ACTR1B: variants seen among roughly 807,000 people sequenced by gnomAD.
The protein encoded by ACTR1B is beta-centractin.
ACTR1B carries 34 observed loss-of-function variants against 49.4 expected under a neutral mutation model. That is an observed-to-expected ratio of 0.69 (90% CI 0.52 to 0.92). The LOEUF (loss-of-function observed/expected upper bound fraction) is 0.92, where lower values mean the gene tolerates loss of function less well. Ranked by LOEUF, ACTR1B falls within the 40% of genes least tolerant of loss-of-function variation. The pLI, the probability that ACTR1B is intolerant of heterozygous loss-of-function variation, is 0.00. For synonymous variants in ACTR1B, 207 were observed against 207.8 expected, an observed-to-expected ratio of 1.00 and a Z score of 0.03; for missense variants, 471 against 522.4, an observed-to-expected ratio of 0.90 and a Z score of 0.96.
chr2:97,659,497 G>A lies in ACTR1B; in HGVS notation c.190-20C>T, dbSNP rs1249055935. 2.5e-6 allele frequency: 4 copies of A among 1,612,092 alleles called. No homozygotes were observed. Among genetic ancestry groups the A allele is most frequent in the South Asian group, 1.1e-5 (1 of 91,060 alleles). ...GTGCTCCTGGTGGGGTGGGAAGGGA[G>A]GTGTGGCACCCGGCCCTTGCTCAGC... On this transcript the variant is annotated intron_variant, in intron 3 of 10. Coordinates refer to ENST00000289228, the MANE Select transcript of ACTR1B (RefSeq NM_005735.4). This position sits in a 1 kb window ranked among gnomAD's most constrained non-coding sequence, Gnocchi z 4.0.
chr2:97,656,929 TAA>T lies in ACTR1B; in HGVS notation c.1058_1059del (p.Phe353Ter), dbSNP rs1439575866. The T allele has an allele frequency of 1.9e-6, 3 of 1,595,930 alleles. No homozygotes were observed. The highest frequency in any genetic ancestry group is 1.1e-5 in the South Asian group (1 of 88,038). ...GGSILASLDT[F>X]KKMWVSKKEY... is the part of the protein sequence containing the mutation. ...TCCTTTTTGGACACCCACATCTTCT[TAA>T]AAGTGTCCAGCGAGGCCAGGATGGA... On this transcript the variant is annotated frameshift_variant, in exon 11 of 11. Coordinates refer to ENST00000289228, the MANE Select transcript of ACTR1B (RefSeq NM_005735.4). LOFTEE classifies it high-confidence loss of function.
chr2:97,661,550 C>T (rs1189936672), intron 2 of ACTR1B, among the ~76,000 whole-genome samples: 1 of 152,230 alleles, frequency 6.6e-6, no homozygotes, highest in Non-Finnish European at 1.5e-5. Context: ...TCTAATTCCT[C>T]ACTCTTCCTG....
chr2:97,661,605 G>C (rs918213200), intron 2 of ACTR1B, among the ~76,000 whole-genome samples: 11 of 152,120 alleles, frequency 7.2e-5, no homozygotes, highest in Non-Finnish European at 1.3e-4. Context: ...CTTTATTCTT[G>C]CTGCTGCTAC....
rs567086376 is a variant in ACTR1B, at chr2:97,659,167, C to T, written c.316-164G>A. Among the ~76,000 whole-genome samples, 49 of 152,282 alleles carry T rather than the reference C, an allele frequency of 3.2e-4. No homozygotes were observed. Among genetic ancestry groups the T allele is most frequent in the Non-Finnish European group, 4.7e-4 (32 of 68,006 alleles). The stretch of plus-strand genomic sequence containing the variant: ...GCTGGCAGTTACTCTTCCGGAGATC[C>T]GGCTCTCTTTGGAAGATTCTGCCTA... On this transcript the variant is annotated intron_variant, in intron 4 of 10. Coordinates refer to ENST00000289228, the MANE Select transcript of ACTR1B (RefSeq NM_005735.4). This position sits in a 1 kb window ranked among gnomAD's most constrained non-coding sequence, Gnocchi z 4.0.
Position 97,658,439 on chromosome 2 carries a change from C to T in ACTR1B, c.645G>A (p.Arg215=). 1 of 1,614,104 alleles carries T rather than the reference C, an allele frequency of 6.2e-7. No individual in the cohort carries two copies. The highest frequency in any genetic ancestry group is 1.1e-5 in the South Asian group (1 of 91,070). The change falls in exon 6 of 11, where the codon CGG becomes CGA. Residue 215 remains arginine (R), a synonymous_variant. Transcript: ENST00000289228. This position sits in a 1 kb window ranked among gnomAD's most constrained non-coding sequence, Gnocchi z 5.9. ...CGCCCCTTGTCACCTCTTTGATTGTCCGGACAACCTCAAACTCAGCCGAGG... is the reference window on the plus strand; with the variant it reads ...CGCCCCTTGTCACCTCTTTGATTGTTCGGACAACCTCAAACTCAGCCGAGG... ...FHTSAEFEVV[R]TIKERACYLS...
At position 97,656,139 on chromosome 2, in the gene ACTR1B, C is replaced by G. The variant is rs1041533727; in HGVS notation, c.*719G>C. ...CCCCCACCCCCTTTTAGGTCTGACT[C>G]CTTATTAAGTGGCTTCCCCTCAATA... On this transcript the variant is annotated 3_prime_UTR_variant, in exon 11 of 11. Coordinates refer to ENST00000289228, the MANE Select transcript of ACTR1B (RefSeq NM_005735.4). The G allele has an allele frequency of 8.5e-5, 13 of 152,254 alleles. No homozygotes were observed. Among genetic ancestry groups the G allele is most frequent in the African/African-American group, 2.9e-4 (12 of 41,446 alleles). The allele number at this position is 152,254 out of a possible 1,614,324, so 9.4% of individuals were successfully genotyped here.
Position 97,661,864 on chromosome 2 carries a change from T to TGCCAGCTCCCCTCTG in ACTR1B, c.113+17_113+18insCAGAGGGGAGCTGGC. 1.9e-6 allele frequency: 3 copies of TGCCAGCTCCCCTCTG among 1,578,396 alleles called. No individual in the cohort carries two copies. Among genetic ancestry groups the TGCCAGCTCCCCTCTG allele is most frequent in the Admixed American group, 3.6e-5 (2 of 55,058 alleles). The stretch of plus-strand genomic sequence containing the variant: ...AGGTAAACAAAAGGACTAAGGCTGC[T>TGCCAGCTCCCCTCTG]GCCTGAGCCACACTTACTAGTTTGG... On this transcript the variant is annotated intron_variant, in intron 2 of 10. Transcript: ENST00000289228.
In ACTR1B at chr2:97,656,341, G is replaced by A; in HGVS notation, c.*517C>T. The A allele has an allele frequency of 5.8e-6, 1 of 172,762 alleles. No individual in the cohort carries two copies. The highest frequency in any genetic ancestry group is 1.2e-5 in the Non-Finnish European group (1 of 80,414). 10.7% of individuals were successfully genotyped at this position (172,762 alleles called of 1,614,324 possible). A position where few individuals can be genotyped will look rare whatever the true frequency, so the allele number is the denominator to read the frequency against. On this transcript the variant is annotated 3_prime_UTR_variant, in exon 11 of 11. Transcript: ENST00000289228. ...CTTGCTGGGGATGGAAGACCATTCA[G>A]TACTCAGCCCTACACCAGGGCATCT...
chr2:97,657,442 C>G lies in ACTR1B; in HGVS notation c.987+6G>C. The G allele has an allele frequency of 6.2e-7, 1 of 1,614,220 alleles. No homozygotes were observed. Among genetic ancestry groups the G allele is most frequent in the Non-Finnish European group, 8.5e-7 (1 of 1,180,018 alleles). On this transcript the variant is annotated splice_donor_region_variant and intron_variant, in intron 9 of 10. Transcript: ENST00000289228. ...AGTGCCCCAGGGGGAGTTTCTGTAA[C>G]CTCACCTTGATTTTGATATCCTTTG...
In ACTR1B at chr2:97,660,570, C is replaced by A. The variant is rs1282447764; in HGVS notation, c.189+1G>T. The A allele has an allele frequency of 6.2e-6, 10 of 1,614,078 alleles. No individual in the cohort carries two copies. Among genetic ancestry groups the A allele is most frequent in the Non-Finnish European group, 8.5e-6 (10 of 1,179,952 alleles). On this transcript the variant is annotated splice_donor_variant, in intron 3 of 10. Transcript: ENST00000289228. LOFTEE classifies it high-confidence loss of function. ...GGGAAAGGCAGGCTCCTCGGTGTTA[C>A]CTCTGCTTTTGGTCCGATGAAGAGG...
Position 97,659,087 on chromosome 2 carries a change from T to A in ACTR1B, c.316-84A>T. 6.3e-7 allele frequency: 1 copy of A among 1,594,756 alleles called. No individual in the cohort carries two copies. Among genetic ancestry groups the A allele is most frequent in the Non-Finnish European group, 8.6e-7 (1 of 1,167,836 alleles). ...GCTCTTTCCAGAGAACCACACCCGCTGGCGCACAGGCAGCTCAGCCTCCTA... is the reference window on the plus strand; with the variant it reads ...GCTCTTTCCAGAGAACCACACCCGCAGGCGCACAGGCAGCTCAGCCTCCTA... On this transcript the variant is annotated intron_variant, in intron 4 of 10. Transcript: ENST00000289228. This position sits in a 1 kb window ranked among gnomAD's most constrained non-coding sequence, Gnocchi z 4.0.
chr2:97,662,686 C>T (rs745644370), intron 1 of ACTR1B, among the ~76,000 whole-genome samples: 6 of 152,206 alleles, frequency 3.9e-5, no homozygotes, highest in African/African-American at 1.4e-4. Context: ...TCATCGCAAC[C>T]CTCTGAGTCT....
intron 10 of ACTR1B, 40 bp from the exon 11 acceptor site, chr2:97,657,000 G>T: frequency 6.3e-7 from 1 of 1,579,528 alleles, no homozygotes; most frequent in African/African-American, 1.3e-5. Flanking sequence ...GGACCTGTCA[G>T]GGAGCCAACC....
At chr2:97,657,355 TGGTGA>T in intron 9 of ACTR1B, 88 bp downstream of exon 9, 1 of 1,505,876 alleles carries the variant, frequency 6.6e-7, no homozygotes, top group Non-Finnish European at 9.2e-7. Flanking sequence ...GGACGTGAGC[TGGTGA>T]GCGGGTCTGG....
intron 1 of ACTR1B, 49 bp downstream of exon 1, chr2:97,663,794 C>A: frequency 7.8e-7 from 1 of 1,276,508 alleles, no homozygotes; most frequent in South Asian, 1.7e-5. Context: ...CCGCCGCGTG[C>A]GCCCCCGGGG....
Position 97,659,334 on chromosome 2 carries a change from G to C in ACTR1B, c.315+18C>G, listed in dbSNP as rs201267939. ...GGCCAGGAGAATGCAGAGCATGCAGGAGGGGCAGCCGCCACACCTCCTCCG... is the reference window on the plus strand; with the variant it reads ...GGCCAGGAGAATGCAGAGCATGCAGCAGGGGCAGCCGCCACACCTCCTCCG... On this transcript the variant is annotated intron_variant, in intron 4 of 10. Transcript: ENST00000289228. The surrounding 1 kb of genome is among the most constrained non-coding windows in gnomAD (Gnocchi z 4.0). The C allele has an allele frequency of 9.9e-6, 16 of 1,613,584 alleles. No individual in the cohort carries two copies. In the African/African-American group the frequency reaches 1.7e-4, roughly 17 times the overall value.
rs765319174 is a variant in ACTR1B, at chr2:97,659,509, G to A, written c.190-32C>T. On this transcript the variant is annotated intron_variant, in intron 3 of 10. Transcript: ENST00000289228. The surrounding 1 kb of genome is among the most constrained non-coding windows in gnomAD (Gnocchi z 4.0). ...GGGTGGGAAGGGAGGTGTGGCACCCGGCCCTTGCTCAGCGGCTGCTTTCCG... is the reference window on the plus strand; with the variant it reads ...GGGTGGGAAGGGAGGTGTGGCACCCAGCCCTTGCTCAGCGGCTGCTTTCCG... 1.4e-5 allele frequency: 23 copies of A among 1,610,450 alleles called. No homozygotes were observed. Among genetic ancestry groups the A allele is most frequent in the Admixed American group, 3.3e-5 (2 of 59,982 alleles).
rs1376305642 is a variant in ACTR1B at position 97,656,095 on chromosome 2, GGGTGA to G, written c.*758_*762del. 2 of 152,214 alleles carry G rather than the reference GGGTGA, an allele frequency of 1.3e-5. No individual in the cohort carries two copies. The highest frequency in any genetic ancestry group is 2.4e-5 in the African/African-American group (1 of 41,432). 9.4% of individuals were successfully genotyped at this position (152,214 alleles called of 1,614,324 possible). A position where few individuals can be genotyped will look rare whatever the true frequency, so the allele number is the denominator to read the frequency against. On this transcript the variant is annotated 3_prime_UTR_variant, in exon 11 of 11. Coordinates refer to ENST00000289228, the MANE Select transcript of ACTR1B (RefSeq NM_005735.4). Reference sequence around the variant, plus strand: ...CAGCAAAAGTGACGACCTCTTTCTTGGGTGAGGTAAGAAAATGTCCCCCACCCCCT... The same window carrying G: ...CAGCAAAAGTGACGACCTCTTTCTTGGGTAAGAAAATGTCCCCCACCCCCT...
Position 97,656,636 on chromosome 2 carries a change from C to A in ACTR1B, c.*222G>T, listed in dbSNP as rs942002735. 15 of 537,454 alleles carry A rather than the reference C, an allele frequency of 2.8e-5. No individual in the cohort carries two copies. The East Asian group carries it at 4.8e-4, about 17-fold the overall frequency. The allele number at this position is 537,454 out of a possible 1,614,324, so 33.3% of individuals were successfully genotyped here. A position where few individuals can be genotyped will look rare whatever the true frequency, so the allele number is the denominator to read the frequency against. Reference sequence around the variant, plus strand: ...AGCCTGACATGGCGCTCAATTCCCACACGCCAGCTCAAGGCTCCTGTCCAT... The same window carrying A: ...AGCCTGACATGGCGCTCAATTCCCAAACGCCAGCTCAAGGCTCCTGTCCAT... On this transcript the variant is annotated 3_prime_UTR_variant, in exon 11 of 11. Coordinates refer to ENST00000289228, the MANE Select transcript of ACTR1B (RefSeq NM_005735.4).
Sources: allele counts gnomAD v4.1 joint callset (sites outside exome capture counted in the v4.1 genomes callset), GRCh38; gene constraint gnomAD v4.1.1; non-coding constraint Gnocchi (gnomAD v3.1); transcripts MANE v1.5; gene names NCBI Gene and HGNC (gene_info 2026-07-23, HGNC 2026-07-21).